SH3PXD2A: variants seen among roughly 807,000 people sequenced by gnomAD.
The protein encoded by SH3PXD2A is SH3 and PX domain-containing protein 2A.
A neutral mutation model predicts 115.2 loss-of-function variants in SH3PXD2A; 32 were observed. The observed-to-expected ratio is 0.28, with a 90% CI of 0.21 to 0.37. The LOEUF is 0.37. SH3PXD2A is among the 10% of genes least tolerant of loss of function. The pLI is 1.00. For missense variants in SH3PXD2A, 1,328 were observed against 1,498.7 expected, an observed-to-expected ratio of 0.89 and a Z score of 1.88; for synonymous variants, 610 against 629.1, an observed-to-expected ratio of 0.97 and a Z score of 0.45.
chr10:103,834,973 C>A (rs892764138), intron 1 of SH3PXD2A, among the ~76,000 whole-genome samples: 5 of 152,312 alleles, frequency 3.3e-5, no homozygotes, highest in South Asian at 2.1e-4. Context: ...GAATTTATTG[C>A]AGGATAATTT....
rs60364879 is a variant in SH3PXD2A at position 103,753,317 on chromosome 10, CAAAAAA to C, written c.229+13771_229+13776del. ...CAACATGGTGAAACCCTGCCTCTAC[CAAAAAA>C]AAAAAAAAAAAAAAAAAAAAAAATT... On this transcript the variant is annotated intron_variant, in intron 3 of 14. Transcript: ENST00000369774. Among the ~76,000 whole-genome samples, 396 of 62,862 alleles carry C rather than the reference CAAAAAA, an allele frequency of 6.3e-3. 1 individual carries two copies. The highest frequency in any genetic ancestry group is 0.021 in the Middle Eastern group (2 of 96). The allele number at this position is 62,862 out of a possible 152,430, so 41.2% of individuals were successfully genotyped here.
Position 103,602,329 on chromosome 10 carries a change from A to G in SH3PXD2A, c.2889T>C (p.Thr963=). ...PPGGFGKTSG[T]PAVKMRNGVR... is the part of the protein sequence containing the mutation. ...CTCCGTTCCTCATCTTCACCGCTGG[A>G]GTGCCTGAGGTCTTGCCGAAGCCCC... The change falls in exon 15 of 15, where the codon ACT becomes ACC. Residue 963 remains threonine (T), a synonymous_variant. Transcript: ENST00000369774. 1.2e-6 allele frequency: 2 copies of G among 1,613,674 alleles called. No homozygotes were observed. The highest frequency in any genetic ancestry group is 1.7e-6 in the Non-Finnish European group (2 of 1,179,902).
rs552775615 is a variant in SH3PXD2A at position 103,674,776 on chromosome 10, C to T, written c.428-6124G>A. Among the ~76,000 whole-genome samples, 14 of 152,192 alleles carry T rather than the reference C, an allele frequency of 9.2e-5. No individual in the cohort carries two copies. In the South Asian group the frequency reaches 1.0e-3, roughly 11 times the overall value. ...TGGAGCTTGCAGTGAGCTGAGATCA[C>T]GCCACCGCACTCCAGCCTGGACAAC... On this transcript the variant is annotated intron_variant, in intron 6 of 14. Transcript: ENST00000369774.
intron 1 of SH3PXD2A, among the ~76,000 whole-genome samples, chr10:103,805,620 G>A (rs1373321378): frequency 3.9e-5 from 6 of 152,280 alleles, no homozygotes; most frequent in African/African-American, 1.4e-4. Flanking sequence ...GCAGGGCATG[G>A]TGGCTCATGC....
At chr10:103,797,495 A>G (rs956721856) in intron 2 of SH3PXD2A, among the ~76,000 whole-genome samples, 1 of 152,000 alleles carries the variant, frequency 6.6e-6, no homozygotes, top group African/African-American at 2.4e-5. Flanking sequence ...CCCTGTCCTT[A>G]ATGCCATGAG....
In SH3PXD2A at chr10:103,762,014, CTTTTTTTTTTT is replaced by C. The variant is rs79615908; in HGVS notation, c.229+5069_229+5079del. 3.3e-5 allele frequency among the ~76,000 whole-genome samples: 3 copies of C among 90,706 alleles called. No individual in the cohort carries two copies. The South Asian group carries it at 1.5e-3, about 45-fold the overall frequency. 59.5% of individuals were successfully genotyped at this position (90,706 alleles called of 152,430 possible). The stretch of plus-strand genomic sequence containing the variant: ...CACACACTAGGAGCAATCAACACGT[CTTTTTTTTTTT>C]TTTTTTTTTTTTTTTGATACAGAGT... On this transcript the variant is annotated intron_variant, in intron 3 of 14. Transcript: ENST00000369774.
At chr10:103,691,443 G>A (rs2037750456) in intron 6 of SH3PXD2A, among the ~76,000 whole-genome samples, 1 of 152,120 alleles carries the variant, frequency 6.6e-6, no homozygotes, top group Non-Finnish European at 1.5e-5. Flanking sequence ...CTATACGTCT[G>A]AGGCCCAGGG....
chr10:103,847,435 G>A (rs975946846), intron 1 of SH3PXD2A, among the ~76,000 whole-genome samples: 2 of 151,962 alleles, frequency 1.3e-5, no homozygotes, highest in Non-Finnish European at 2.9e-5. Flanking sequence ...CATCTCAGCC[G>A]ACTGAGTAAC....
chr10:103,599,248 G>A lies in SH3PXD2A; in HGVS notation c.*2568C>T, dbSNP rs1297939194. 1 of 142,482 alleles carries A rather than the reference G, an allele frequency of 7.0e-6. No homozygotes were observed. Among genetic ancestry groups the A allele is most frequent in the Non-Finnish European group, 1.5e-5 (1 of 65,020 alleles). The allele number at this position is 142,482 out of a possible 1,614,324, so 8.8% of individuals were successfully genotyped here. A position where few individuals can be genotyped will look rare whatever the true frequency, so the allele number is the denominator to read the frequency against. Reference sequence around the variant, plus strand: ...ATGACTCTATTACTTACAGCACTGGGGGTCAAGGAGAGGGGGTCCTTGGGG... The same window carrying A: ...ATGACTCTATTACTTACAGCACTGGAGGTCAAGGAGAGGGGGTCCTTGGGG... On this transcript the variant is annotated 3_prime_UTR_variant, in exon 15 of 15. Transcript: ENST00000369774.
At chr10:103,718,316 C>G (rs1463908556) in intron 5 of SH3PXD2A, among the ~76,000 whole-genome samples, 1 of 152,178 alleles carries the variant, frequency 6.6e-6, no homozygotes, top group Non-Finnish European at 1.5e-5. Flanking sequence ...CGCACGGGGC[C>G]AAGGGCATGT....
rs141973665 is a variant in SH3PXD2A, at chr10:103,786,970, G to T, written c.153+14312C>A. Among the ~76,000 whole-genome samples, 399 of 152,302 alleles carry T rather than the reference G, an allele frequency of 2.6e-3. 1 individual carries two copies. The highest frequency in any genetic ancestry group is 5.1e-3 in the Non-Finnish European group (344 of 68,024). ...GGTGAGAGAAGCCCTTGGCCGCTGG[G>T]ACTGAGGTCACCTGCAGGCATCACC... On this transcript the variant is annotated intron_variant, in intron 2 of 14. Coordinates refer to ENST00000369774, the MANE Select transcript of SH3PXD2A (RefSeq NM_001394015.1).
At chr10:103,733,125 C>T (rs549856493) in intron 4 of SH3PXD2A, among the ~76,000 whole-genome samples, 1 of 152,116 alleles carries the variant, frequency 6.6e-6, no homozygotes, top group Non-Finnish European at 1.5e-5. Context: ...TTGGTGAGCC[C>T]ATGGCCCCAT....
chr10:103,679,465 C>T (rs1438386130), intron 6 of SH3PXD2A, among the ~76,000 whole-genome samples: 7 of 152,222 alleles, frequency 4.6e-5, no homozygotes, highest in Non-Finnish European at 1.0e-4. Flanking sequence ...ACCCTCCCTG[C>T]GCCCCAGGAG....
At chr10:103,826,623 C>T (rs999549409) in intron 1 of SH3PXD2A, among the ~76,000 whole-genome samples, 1 of 152,150 alleles carries the variant, frequency 6.6e-6, no homozygotes, top group African/African-American at 2.4e-5. Context: ...TAGAATTTTC[C>T]CCCTAGTGAG....
At chr10:103,791,591 G>C (rs2039036908) in intron 2 of SH3PXD2A, among the ~76,000 whole-genome samples, 1 of 152,072 alleles carries the variant, frequency 6.6e-6, no homozygotes, top group Admixed American at 6.5e-5. Flanking sequence ...AGCCCTCTGG[G>C]TCTTATTTCC....
chr10:103,667,230 G>T (rs971109431), intron 7 of SH3PXD2A, among the ~76,000 whole-genome samples: 2 of 152,122 alleles, frequency 1.3e-5, no homozygotes, highest in Non-Finnish European at 2.9e-5. Flanking sequence ...AAACAGCTGG[G>T]ATCATCTTGA....
chr10:103,809,487 G>C (rs1441154938), intron 1 of SH3PXD2A, among the ~76,000 whole-genome samples: 1 of 152,140 alleles, frequency 6.6e-6, no homozygotes, highest in Non-Finnish European at 1.5e-5. Context: ...GCAGACCTGG[G>C]CCAGATGGAC....
chr10:103,789,180 G>C (rs939673557), intron 2 of SH3PXD2A, among the ~76,000 whole-genome samples: 1 of 152,104 alleles, frequency 6.6e-6, no homozygotes, highest in Non-Finnish European at 1.5e-5. Context: ...GGGAGGATGG[G>C]GGGGGTAGAA....
intron 8 of SH3PXD2A, among the ~76,000 whole-genome samples, chr10:103,633,241 C>A (rs1186656560): frequency 6.6e-6 from 1 of 152,094 alleles, no homozygotes; most frequent in Non-Finnish European, 1.5e-5. Flanking sequence ...CACAGTGAAA[C>A]CCTGTCTCTA....
Sources: allele counts gnomAD v4.1 joint callset (sites outside exome capture counted in the v4.1 genomes callset), GRCh38; gene constraint gnomAD v4.1.1; transcripts MANE v1.5; gene names NCBI Gene and HGNC (gene_info 2026-07-23, HGNC 2026-07-21).